Variants in PCDHA11 observed in about 807,000 individuals in gnomAD.
The protein encoded by PCDHA11 is protocadherin alpha-11.
Under a neutral mutation model 70.3 loss-of-function variants are expected in PCDHA11, and 61 were observed. The observed-to-expected ratio is 0.87, with a 90% confidence interval of 0.71 to 1.07. The LOEUF (loss-of-function observed/expected upper bound fraction) is 1.07, where lower values mean the gene tolerates loss of function less well. PCDHA11 is among the 50% of genes least tolerant of loss of function. The pLI, the probability that PCDHA11 is intolerant of heterozygous loss-of-function variation, is 0.00. For synonymous variants in PCDHA11, 633 were observed against 555.1 expected, an observed-to-expected ratio of 1.14 and a Z score of -1.97; for missense variants, 1,324 against 1,237.5, an observed-to-expected ratio of 1.07 and a Z score of -1.05.
intron 1 of PCDHA11, chr5:140,966,476 C>G: frequency 2.3e-6 from 1 of 432,972 alleles, no homozygotes; most frequent in Non-Finnish European, 4.0e-6. Flanking sequence ...CTTCTGTTTC[C>G]TTTTCCCTCC....
chr5:141,001,461 C>G (rs2098019350), intron 3 of PCDHA11, among the ~76,000 whole-genome samples: 1 of 152,214 alleles, frequency 6.6e-6, no homozygotes, highest in South Asian at 2.1e-4. Context: ...AATTGAAGGA[C>G]TAAGCAGCAG....
chr5:140,900,360 C>T (rs952432002), intron 1 of PCDHA11, among the ~76,000 whole-genome samples: 2 of 152,168 alleles, frequency 1.3e-5, no homozygotes, highest in Non-Finnish European at 2.9e-5. Flanking sequence ...TCACCGCAAC[C>T]TCTGCCTCCT....
intron 1 of PCDHA11, among the ~76,000 whole-genome samples, chr5:140,900,528 C>T (rs1261076566): frequency 2.6e-5 from 4 of 152,214 alleles, no homozygotes; most frequent in South Asian, 4.1e-4. Flanking sequence ...CTGCCCACCT[C>T]GGCTTTCCAA....
intron 1 of PCDHA11, among the ~76,000 whole-genome samples, chr5:140,898,335 A>C (rs1232674937): frequency 2.6e-5 from 4 of 152,208 alleles, no homozygotes; most frequent in African/African-American, 9.6e-5. Context: ...CTAACGTTTA[A>C]GTCTTTAATC....
intron 1 of PCDHA11, among the ~76,000 whole-genome samples, chr5:140,921,714 C>T (rs942328848): frequency 2.0e-5 from 3 of 152,046 alleles, no homozygotes; most frequent in South Asian, 2.1e-4. Context: ...AGTAAACACA[C>T]GAATTACTCC....
intron 3 of PCDHA11, among the ~76,000 whole-genome samples, chr5:141,008,048 G>A (rs2098358764): frequency 1.3e-5 from 2 of 151,972 alleles, no homozygotes; most frequent in South Asian, 4.2e-4. Flanking sequence ...TTTGTAACAG[G>A]GGTCCAGTCC....
intron 1 of PCDHA11, chr5:140,877,520 C>T (rs2057180531): frequency 6.2e-7 from 1 of 1,613,784 alleles, no homozygotes; most frequent in Non-Finnish European, 8.5e-7. Context: ...TCGCGGGCCT[C>T]AGTGGGCGCT....
At position 140,870,392 on chromosome 5, in the gene PCDHA11, GT is replaced by G; in HGVS notation, c.1291del (p.Ser431ArgfsTer17). The G allele has an allele frequency of 6.2e-7, 1 of 1,614,254 alleles. No individual in the cohort carries two copies. The highest frequency in any genetic ancestry group is 1.6e-4 in the Middle Eastern group (1 of 6,062). On this transcript the variant is annotated frameshift_variant, in exon 1 of 4. Transcript: ENST00000398640. LOFTEE classifies it high-confidence loss of function. ...YELVVTARDG[G>X]SPSLWATARV... ...CTGGTGGTGACTGCGCGGGATGGGG[GT>G]TCGCCTTCTCTGTGGGCCACGGCCA... is the stretch of plus-strand genomic sequence containing the variant.
rs781972089 is a variant in PCDHA11 at position 141,009,851 on chromosome 5, A to G, written c.2764A>G (p.Lys922Glu). 1 of 1,614,060 alleles carries G rather than the reference A, an allele frequency of 6.2e-7. No individual in the cohort carries two copies. Among genetic ancestry groups the G allele is most frequent in the Non-Finnish European group, 8.5e-7 (1 of 1,179,986 alleles). Residue 922 changes from lysine to glutamate, a missense_variant, in exon 4 of 4, where the codon AAG becomes GAG. Transcript: ENST00000398640. ...AACCTTCGGCAAAAAGGAGGAGACC[A>G]AGAAAAAGAAGAAAAAGAAGAAGGG... is the stretch of plus-strand genomic sequence containing the variant. ...FITFGKKEETKKKKKKKKGNK... is the reference protein window; with the variant it reads ...FITFGKKEETEKKKKKKKGNK...
chr5:141,011,876 A>G lies in PCDHA11; in HGVS notation c.*1939A>G, dbSNP rs2098422094. ...AATTTTGTTATAATGTACAATTTAG[A>G]AGTTTGATTAATTATATTATCTATT... On this transcript the variant is annotated 3_prime_UTR_variant, in exon 4 of 4. Coordinates refer to ENST00000398640, the MANE Select transcript of PCDHA11 (RefSeq NM_018902.5). 6.5e-6 allele frequency: 1 copy of G among 153,584 alleles called. No individual in the cohort carries two copies. The highest frequency in any genetic ancestry group is 2.4e-5 in the African/African-American group (1 of 41,298). 9.5% of individuals were successfully genotyped at this position (153,584 alleles called of 1,614,324 possible).
chr5:140,972,469 C>G (rs782470724), intron 1 of PCDHA11, among the ~76,000 whole-genome samples: 6 of 152,054 alleles, frequency 3.9e-5, no homozygotes, highest in Admixed American at 3.9e-4. Context: ...TATTAAACAT[C>G]AGCATTTAAC....
chr5:140,991,066 C>T (rs2097429810), intron 3 of PCDHA11, among the ~76,000 whole-genome samples: 2 of 152,122 alleles, frequency 1.3e-5, no homozygotes, highest in Non-Finnish European at 2.9e-5. Context: ...TTATTATTCC[C>T]ATGTTTCAGA....
At chr5:140,957,107 G>A in intron 1 of PCDHA11, among the ~76,000 whole-genome samples, 1 of 152,092 alleles carries the variant, frequency 6.6e-6, no homozygotes, top group East Asian at 1.9e-4. Context: ...CTATGGACAT[G>A]ATTCTGTGTG....
chr5:140,870,176 TACGAGAGG>T lies in PCDHA11; in HGVS notation c.1077_1084del (p.Glu360SerfsTer13). 1 of 1,614,126 alleles carries T rather than the reference TACGAGAGG, an allele frequency of 6.2e-7. No individual in the cohort carries two copies. Among genetic ancestry groups the T allele is most frequent in the Non-Finnish European group, 8.5e-7 (1 of 1,180,034 alleles). ...GCCGTGACTTCCTTGTCCCTCCCAG[TACGAGAGG>T]ACGCTCAGCCCAGCACGGTCATTGC... On this transcript the variant is annotated frameshift_variant, in exon 1 of 4. Transcript: ENST00000398640. LOFTEE classifies it high-confidence loss of function.
At position 140,869,546 on chromosome 5, in the gene PCDHA11, C is replaced by T. The variant is rs201504685; in HGVS notation, c.443C>T (p.Ser148Leu). ...QKLLIAESKQ[S>L]DSRFPLEGAS... ...CTGCTGATTGCGGAATCTAAGCAAT[C>T]GGACTCGCGTTTTCCACTAGAGGGA... The change falls in exon 1 of 4, where the codon TCG (serine) becomes TTG (leucine). Residue 148 changes from serine (S) to leucine (L), a missense_variant. Coordinates refer to ENST00000398640, the MANE Select transcript of PCDHA11 (RefSeq NM_018902.5). The T allele has an allele frequency of 1.9e-6, 3 of 1,614,170 alleles. No individual in the cohort carries two copies. The highest frequency in any genetic ancestry group is 1.6e-4 in the Middle Eastern group (1 of 6,062).
At chr5:140,993,462 T>TCACA (rs3836747) in intron 3 of PCDHA11, among the ~76,000 whole-genome samples, 8,584 of 140,952 alleles carry the variant, frequency 0.061, 300 homozygotes, top group Admixed American at 0.12. Flanking sequence ...TCTTTCTTTC[T>TCACA]CACACACACA....
intron 1 of PCDHA11, among the ~76,000 whole-genome samples, chr5:140,935,203 A>T (rs1403808889): frequency 6.6e-6 from 1 of 152,160 alleles, no homozygotes; most frequent in African/African-American, 2.4e-5. Flanking sequence ...GTTTCTAGGT[A>T]TCTTCAGCTA....
At position 140,869,228 on chromosome 5, in the gene PCDHA11, G is replaced by A. The variant is rs782726206; in HGVS notation, c.125G>A (p.Gly42Asp). Residue 42 changes from glycine to aspartate, a missense_variant, in exon 1 of 4, where the codon GGC becomes GAC. Gly to Asp is a moderately conservative substitution (Grantham distance 94). Coordinates refer to ENST00000398640, the MANE Select transcript of PCDHA11 (RefSeq NM_018902.5). The stretch of plus-strand genomic sequence containing the variant: ...TCCGTCTCGGAGGAGGCCAAACACG[G>A]CACCTTCGTGGGCCGCATCGCGCAG... ...HYSVSEEAKHGTFVGRIAQDL... is the reference protein window; with the variant it reads ...HYSVSEEAKHDTFVGRIAQDL... 6.2e-7 allele frequency: 1 copy of A among 1,613,764 alleles called. No homozygotes were observed. The highest frequency in any genetic ancestry group is 8.5e-7 in the Non-Finnish European group (1 of 1,179,972).
intron 1 of PCDHA11, chr5:140,877,285 G>C: frequency 1.2e-6 from 2 of 1,613,898 alleles, no homozygotes; most frequent in Non-Finnish European, 1.7e-6. Context: ...CGGCTATAAC[G>C]CTTGGCTGTC....
Sources: gnomAD v4.1 joint callset for allele counts (sites outside exome capture counted in the v4.1 genomes callset) on GRCh38, gnomAD v4.1.1 for gene constraint, MANE v1.5 for transcripts, NCBI Gene and HGNC (gene_info 2026-07-23, HGNC 2026-07-21) for gene names.